The following DAB1 variants were observed in gnomAD, a reference collection of about 807,000 sequenced individuals.
DAB1 encodes disabled homolog 1.
A neutral mutation model predicts 64.6 loss-of-function variants in DAB1; 15 were observed. The observed-to-expected ratio is 0.23, with a 90% CI of 0.16 to 0.36. The LOEUF is 0.36. Among genes scored for constraint, DAB1 ranks in the 10% least tolerant of loss-of-function variants. The probability of loss-of-function intolerance (pLI) is 1.00; values close to 1 mark genes in which losing one functional copy is unlikely to be tolerated. For missense variants in DAB1, 596 were observed against 706.7 expected, an observed-to-expected ratio of 0.84 and a Z score of 1.78; for synonymous variants, 235 against 251.9, an observed-to-expected ratio of 0.93 and a Z score of 0.64.
intron 3 of DAB1, among the ~76,000 whole-genome samples, chr1:58,393,717 A>G (rs338930): frequency 0.29 from 43,574 of 152,140 alleles, 6,479 homozygotes; most frequent in African/African-American, 0.35. Context: ...CACAGGCTGG[A>G]GCAGGGGGGT....
At chr1:57,995,360 T>A (rs762642798) in intron 5 of DAB1, among the ~76,000 whole-genome samples, 1 of 152,164 alleles carries the variant, frequency 6.6e-6, no homozygotes, top group Non-Finnish European at 1.5e-5. Context: ...AGTCTACCTA[T>A]TGTGCAGGAA....
intron 2 of DAB1, among the ~76,000 whole-genome samples, chr1:58,526,083 T>C (rs1646345392): frequency 6.6e-6 from 1 of 152,096 alleles, no homozygotes; most frequent in Non-Finnish European, 1.5e-5. Context: ...AGGAATAACT[T>C]ACTGAGATAA....
At chr1:57,072,141 A>C in intron 5 of DAB1, 142 bp downstream of exon 5, 1 of 889,230 alleles carries the variant, frequency 1.1e-6, no homozygotes, top group Non-Finnish European at 1.7e-6. Flanking sequence ...TATCTTTTCT[A>C]GATGGGAATG....
intron 7 of DAB1, among the ~76,000 whole-genome samples, chr1:57,577,000 T>G (rs1645257710): frequency 6.6e-6 from 1 of 152,144 alleles, no homozygotes; most frequent in Non-Finnish European, 1.5e-5. Context: ...AAATTAATAA[T>G]GTAAACAAGA....
chr1:57,686,435 C>T lies in DAB1; in HGVS notation n.552-36770G>A, dbSNP rs77924739. ...CCTACCAACCAGAAAAGAAAAACCG[C>T]GGACCAGATGGATGGACAGCCAAAT... On this transcript the variant is annotated intron_variant and non_coding_transcript_variant, in intron 6 of 20. Coordinates refer to the DAB1 transcript ENST00000485760. 5.7e-3 allele frequency among the ~76,000 whole-genome samples: 862 copies of T among 152,022 alleles called. 10 individuals carry two copies. The highest frequency in any genetic ancestry group is 0.019 in the African/African-American group (788 of 41,500).
intron 5 of DAB1, among the ~76,000 whole-genome samples, chr1:58,134,426 T>A (rs535407383): frequency 6.6e-6 from 1 of 152,106 alleles, no homozygotes; most frequent in South Asian, 2.1e-4. Flanking sequence ...CTTAATAACA[T>A]CACCTTGGGG....
chr1:57,943,067 T>C (rs1216122220), intron 5 of DAB1, among the ~76,000 whole-genome samples: 1 of 152,106 alleles, frequency 6.6e-6, no homozygotes, highest in Non-Finnish European at 1.5e-5. Flanking sequence ...AAGGAGACAA[T>C]AATTCAGAAG....
intron 7 of DAB1, among the ~76,000 whole-genome samples, chr1:57,494,401 G>A (rs1377866867): frequency 2.6e-5 from 4 of 152,118 alleles, no homozygotes; most frequent in African/African-American, 9.7e-5. Flanking sequence ...AGCCATGGGC[G>A]ACATTTAAAG....
At chr1:58,170,750 G>C (rs550602586) in intron 4 of DAB1, among the ~76,000 whole-genome samples, 1 of 152,192 alleles carries the variant, frequency 6.6e-6, no homozygotes, top group East Asian at 1.9e-4. Flanking sequence ...GCTATGCCGA[G>C]GCAATCACTG....
intron 5 of DAB1, among the ~76,000 whole-genome samples, chr1:58,002,344 A>T (rs1468972648): frequency 6.6e-6 from 1 of 152,188 alleles, no homozygotes; most frequent in Non-Finnish European, 1.5e-5. Context: ...GTTTTTCTTT[A>T]AACTAGTGAG....
chr1:58,106,131 T>C (rs1310632930), intron 5 of DAB1, among the ~76,000 whole-genome samples: 2 of 151,946 alleles, frequency 1.3e-5, no homozygotes, highest in Admixed American at 1.3e-4. Flanking sequence ...CCTTCTTTTC[T>C]TTCTCTTTCT....
At chr1:58,475,814 A>T (rs1405144573) in intron 3 of DAB1, among the ~76,000 whole-genome samples, 2 of 152,210 alleles carry the variant, frequency 1.3e-5, no homozygotes, top group East Asian at 3.8e-4. Flanking sequence ...AATAAATGAG[A>T]CTAGTGATGT....
intron 7 of DAB1, among the ~76,000 whole-genome samples, chr1:57,635,565 C>T (rs1353382771): frequency 6.6e-6 from 1 of 152,140 alleles, no homozygotes; most frequent in African/African-American, 2.4e-5. Flanking sequence ...CCATCACACC[C>T]TCAGTTGCAG....
intron 2 of DAB1, among the ~76,000 whole-genome samples, chr1:58,526,905 G>A (rs1203830406): frequency 2.0e-5 from 3 of 152,042 alleles, no homozygotes; most frequent in Non-Finnish European, 4.4e-5. Context: ...ATAACCAAAT[G>A]TTTTAAAATT....
At chr1:57,913,165 G>T (rs1018411030) in intron 5 of DAB1, among the ~76,000 whole-genome samples, 10 of 152,114 alleles carry the variant, frequency 6.6e-5, no homozygotes, top group African/African-American at 2.4e-4. Flanking sequence ...CACAAAGCTG[G>T]AGGCATCATG....
intron 1 of DAB1, among the ~76,000 whole-genome samples, chr1:57,306,513 C>CTTTTTTTTTTTT (rs1166241090): frequency 8.7e-6 from 1 of 114,346 alleles, no homozygotes. Flanking sequence ...TTAGAACAGG[C>CTTTTTTTTTTTT]TTTTTTTTTT....
intron 6 of DAB1, among the ~76,000 whole-genome samples, chr1:57,660,875 C>T (rs1159208740): frequency 1.3e-5 from 2 of 152,218 alleles, no homozygotes; most frequent in African/African-American, 2.4e-5. Context: ...GACTGCATCA[C>T]TGTTTAGCTT....
At chr1:58,137,189 A>G (rs1386008805) in intron 5 of DAB1, among the ~76,000 whole-genome samples, 1 of 152,238 alleles carries the variant, frequency 6.6e-6, no homozygotes, top group Non-Finnish European at 1.5e-5. Context: ...TCATAGAATT[A>G]CAAGACTAAA....
chr1:57,034,384 A>G (rs12732823), intron 9 of DAB1, among the ~76,000 whole-genome samples: 32,599 of 151,922 alleles, frequency 0.21, 4,432 homozygotes, highest in Middle Eastern at 0.35. Context: ...GAGTTTCTCT[A>G]TCTTTTGAAT....
Sources: allele counts gnomAD v4.1 joint callset (sites outside exome capture counted in the v4.1 genomes callset), GRCh38; gene constraint gnomAD v4.1.1; transcripts MANE v1.5; gene names NCBI Gene and HGNC (gene_info 2026-07-23, HGNC 2026-07-21).